Variants in GRM3 observed in about 807,000 individuals in gnomAD.
GRM3 encodes metabotropic glutamate receptor 3.
Under a neutral mutation model 70.5 loss-of-function variants are expected in GRM3, and 26 were observed. The ratio of observed to expected loss-of-function variants is 0.37; its 90% confidence interval spans 0.27 to 0.51. The LOEUF is 0.51. Ranked by LOEUF, GRM3 falls within the 20% of genes least tolerant of loss-of-function variation. The pLI is 0.93. For synonymous variants in GRM3, 443 were observed against 434.9 expected, an observed-to-expected ratio of 1.02 and a Z score of -0.23; for missense variants, 859 against 1,123.8, an observed-to-expected ratio of 0.76 and a Z score of 3.37.
At chr7:86,809,484 T>C (rs538565475) in intron 3 of GRM3, among the ~76,000 whole-genome samples, 18 of 152,176 alleles carry the variant, frequency 1.2e-4, no homozygotes, top group African/African-American at 4.3e-4. Context: ...TCTAATTGTG[T>C]GACTTCAGGC....
intron 1 of GRM3, among the ~76,000 whole-genome samples, chr7:86,708,736 G>A (rs1795116351): frequency 1.3e-5 from 2 of 152,048 alleles, no homozygotes; most frequent in African/African-American, 4.8e-5. Context: ...AAAGTAATGA[G>A]GGCATAACTC....
intron 1 of GRM3, among the ~76,000 whole-genome samples, chr7:86,762,579 C>T (rs1796506045): frequency 6.6e-6 from 1 of 152,078 alleles, no homozygotes; most frequent in African/African-American, 2.4e-5. Flanking sequence ...TGTGCCATTT[C>T]ATTAATTCTC....
chr7:86,676,646 A>G (rs1794315291), intron 1 of GRM3, among the ~76,000 whole-genome samples: 1 of 152,012 alleles, frequency 6.6e-6, no homozygotes, highest in African/African-American at 2.4e-5. Flanking sequence ...GAAGATGTAA[A>G]TAATCACTAA....
rs143234136 is a variant in GRM3, at chr7:86,787,396, T to C, written c.1324+280T>C. ...TCCCTAGATTAGGGCCAGGCTAGAT[T>C]TGAGCTCTTTGTTGATGTTGGCTGC... is the stretch of plus-strand genomic sequence containing the variant. On this transcript the variant is annotated intron_variant, in intron 3 of 5. Coordinates refer to ENST00000361669, the MANE Select transcript of GRM3 (RefSeq NM_000840.3). Among the ~76,000 whole-genome samples the C allele has an allele frequency of 2.0e-5, 3 of 152,336 alleles. No individual in the cohort carries two copies. The East Asian group carries it at 5.8e-4, about 29-fold the overall frequency.
At chr7:86,856,325 A>C (rs1391669151) in intron 5 of GRM3, among the ~76,000 whole-genome samples, 1 of 152,042 alleles carries the variant, frequency 6.6e-6, no homozygotes, top group East Asian at 1.9e-4. Context: ...GTGCAGCTGT[A>C]ATCACAGCTA....
chr7:86,810,220 A>C (rs1430381391), intron 3 of GRM3, among the ~76,000 whole-genome samples: 2 of 151,996 alleles, frequency 1.3e-5, no homozygotes, highest in African/African-American at 4.8e-5. Flanking sequence ...TTCTTTGTCA[A>C]AAGGTCAAGA....
chr7:86,785,317 T>A (rs1012498246), intron 2 of GRM3, among the ~76,000 whole-genome samples: 2 of 152,208 alleles, frequency 1.3e-5, no homozygotes, highest in Non-Finnish European at 2.9e-5. Context: ...TAAATATATA[T>A]CTCTTCAAAT....
chr7:86,762,577 T>C (rs369469716), intron 1 of GRM3, among the ~76,000 whole-genome samples: 2 of 152,290 alleles, frequency 1.3e-5, no homozygotes, highest in Admixed American at 6.5e-5. Flanking sequence ...GCTGTGCCAT[T>C]TCATTAATTC....
chr7:86,663,540 C>T (rs1378087381), intron 1 of GRM3, among the ~76,000 whole-genome samples: 2 of 151,802 alleles, frequency 1.3e-5, no homozygotes, highest in Non-Finnish European at 2.9e-5. Flanking sequence ...TTGTGGCAAG[C>T]CAATGGATTC....
Position 86,839,878 on chromosome 7 carries a change from AT to A in GRM3, c.2368del (p.Tyr790MetfsTer2). The A allele has an allele frequency of 6.3e-7, 1 of 1,599,664 alleles. No homozygotes were observed. The highest frequency in any genetic ancestry group is 8.6e-7 in the Non-Finnish European group (1 of 1,166,950). On this transcript the variant is annotated frameshift_variant, in exon 4 of 6. Transcript: ENST00000361669. LOFTEE classifies it high-confidence loss of function. The surrounding 1 kb of genome is among the most constrained non-coding windows in gnomAD (Gnocchi z 4.5). The part of the protein sequence containing the change: ...CIIWLAFLPI[F>X]YVTSSDYRVQ... ...TCATCTGGTTGGCCTTCCTCCCTAT[AT>A]TTTATGTGACATCAAGTGACTACAG... is the stretch of plus-strand genomic sequence containing the variant.
At chr7:86,718,399 T>TTGTG (rs1346343226) in intron 1 of GRM3, among the ~76,000 whole-genome samples, 1 of 151,902 alleles carries the variant, frequency 6.6e-6, no homozygotes, top group Non-Finnish European at 1.5e-5. Context: ...ATGATACATG[T>TTGTG]TGTGTGTGTA....
intron 1 of GRM3, among the ~76,000 whole-genome samples, chr7:86,723,784 T>C (rs1345473459): frequency 6.6e-6 from 1 of 152,122 alleles, no homozygotes; most frequent in Non-Finnish European, 1.5e-5. Context: ...CTAGTTGCAG[T>C]CTTCACCTTG....
intron 1 of GRM3, among the ~76,000 whole-genome samples, chr7:86,721,028 C>G (rs1435305165): frequency 6.6e-6 from 1 of 151,988 alleles, no homozygotes; most frequent in Admixed American, 6.6e-5. Context: ...CTTGATCAAG[C>G]CTTTGCTTGC....
intron 4 of GRM3, among the ~76,000 whole-genome samples, chr7:86,849,110 A>C (rs1434274743): frequency 1.3e-5 from 2 of 152,268 alleles, no homozygotes; most frequent in Non-Finnish European, 2.9e-5. Context: ...ATGATCTCTG[A>C]TATCCTTCAC....
At chr7:86,773,236 T>C (rs995111204) in intron 2 of GRM3, among the ~76,000 whole-genome samples, 7 of 152,036 alleles carry the variant, frequency 4.6e-5, no homozygotes, top group African/African-American at 1.4e-4. Flanking sequence ...ATATTAGTAG[T>C]ACCTCTCTCA....
chr7:86,854,374 A>G (rs1173902945), intron 5 of GRM3, among the ~76,000 whole-genome samples: 5 of 152,162 alleles, frequency 3.3e-5, no homozygotes, highest in Non-Finnish European at 7.3e-5. Context: ...CAGTTGCTCC[A>G]CAAAACTGGA....
intron 3 of GRM3, among the ~76,000 whole-genome samples, chr7:86,827,879 A>G (rs536725858): frequency 1.4e-4 from 21 of 152,160 alleles, no homozygotes; most frequent in Admixed American, 1.2e-3. Flanking sequence ...TTGGGAGGCC[A>G]AGGCGGGCGG....
chr7:86,785,620 C>G (rs1286825832), intron 2 of GRM3, among the ~76,000 whole-genome samples: 2 of 131,780 alleles, frequency 1.5e-5, no homozygotes, highest in East Asian at 4.7e-4. Flanking sequence ...AAATATTGGT[C>G]AAGATTTTCA....
intron 3 of GRM3, chr7:86,833,137 G>A: frequency 2.0e-6 from 2 of 978,242 alleles, no homozygotes; most frequent in Non-Finnish European, 2.4e-6. Flanking sequence ...CAAATTCCCT[G>A]GAGTTTCTTC....
Sources: gnomAD v4.1 joint callset for allele counts (sites outside exome capture counted in the v4.1 genomes callset) on GRCh38, gnomAD v4.1.1 for gene constraint, Gnocchi (gnomAD v3.1) non-coding constraint, MANE v1.5 for transcripts, NCBI Gene and HGNC (gene_info 2026-07-23, HGNC 2026-07-21) for gene names.